Variants in COPG2 observed in about 807,000 individuals in gnomAD.
COPG2 encodes the protein coatomer subunit gamma-2.
In COPG2, 37 loss-of-function variants were observed where a neutral mutation model predicts 46.3. That is an observed-to-expected ratio of 0.80 (90% CI 0.61 to 1.05). COPG2 has a LOEUF of 1.05. COPG2 is among the 50% of genes least tolerant of loss of function. The pLI is 0.00. For synonymous variants in COPG2, 159 were observed against 129.7 expected, an observed-to-expected ratio of 1.23 and a Z score of -1.53; for missense variants, 427 against 387.8, an observed-to-expected ratio of 1.10 and a Z score of -0.85.
intron 9 of COPG2, among the ~76,000 whole-genome samples, chr7:130,608,719 A>T (rs568933760): frequency 6.6e-5 from 10 of 151,524 alleles, no homozygotes; most frequent in Admixed American, 2.6e-4. Flanking sequence ...TCTTTTTTTT[A>T]AAAAAAGGCG....
chr7:130,549,338 G>A lies in COPG2; in HGVS notation c.1813C>T (p.Pro605Ser), dbSNP rs1390627471. The A allele has an allele frequency of 1.0e-5, 4 of 398,434 alleles. No individual in the cohort carries two copies. Among genetic ancestry groups the A allele is most frequent in the East Asian group, 3.6e-5 (1 of 28,080 alleles). The allele number at this position is 398,434 out of a possible 1,614,324, so 24.7% of individuals were successfully genotyped here. ...LVATKPEKLA[P>S]SRQDIFQEQL... is the part of the protein sequence containing the mutation. ...CCTTGGAAAATGTCTTGCCTGGAAG[G>A]AGCCAACTTCTCTGGCTTAGTAGCC... Residue 605 changes from proline (P) to serine (S), a missense_variant, in exon 18 of 24, where the codon CCT becomes TCT. Pro to Ser is a moderately conservative substitution (Grantham distance 74). Transcript: ENST00000425248.
intron 20 of COPG2, among the ~76,000 whole-genome samples, chr7:130,536,464 A>G (rs1281383837): frequency 6.6e-6 from 1 of 152,158 alleles, no homozygotes; most frequent in Non-Finnish European, 1.5e-5. Flanking sequence ...TTCAGCTCAG[A>G]AAAAGTAAGG....
Position 130,542,051 on chromosome 7 carries a change from C to T in COPG2, c.2149+5623G>A, listed in dbSNP as rs1381078442. Among the ~76,000 whole-genome samples, 3 of 125,138 alleles carry T rather than the reference C, an allele frequency of 2.4e-5. 1 individual carries two copies. The highest frequency in any genetic ancestry group is 4.9e-5 in the Non-Finnish European group (3 of 60,904). The allele number at this position is 125,138 out of a possible 152,430, so 82.1% of individuals were successfully genotyped here. On this transcript the variant is annotated intron_variant, in intron 20 of 23. Transcript: ENST00000425248. ...CAGAGGAGAGGTGTTCCCCAATGGG[C>T]AAGAAGAATGAGTTGGAGCAGGTTA...
At chr7:130,589,120 TAA>T (rs1554448484) in intron 9 of COPG2, among the ~76,000 whole-genome samples, 1 of 152,180 alleles carries the variant, frequency 6.6e-6, no homozygotes, top group East Asian at 1.9e-4. Context: ...GTCCAATCGT[TAA>T]TTCAAAGGAT....
intron 20 of COPG2, among the ~76,000 whole-genome samples, chr7:130,512,120 G>GCTA (rs1799606370): frequency 6.7e-6 from 1 of 150,184 alleles, no homozygotes; most frequent in South Asian, 2.1e-4. Flanking sequence ...TGTAATCCCA[G>GCTA]CTACTTGGGA....
chr7:130,537,733 A>G (rs1490034909), intron 20 of COPG2, among the ~76,000 whole-genome samples: 3 of 152,212 alleles, frequency 2.0e-5, no homozygotes, highest in Admixed American at 2.0e-4. Flanking sequence ...CAAGAGCAAG[A>G]GTGTGGGTGT....
rs1452991535 is a variant in COPG2, at chr7:130,568,045, G to A, written c.738-3652C>T. Among the ~76,000 whole-genome samples the A allele has an allele frequency of 3.3e-5, 5 of 152,200 alleles. No individual in the cohort carries two copies. The South Asian group carries it at 6.2e-4, about 19-fold the overall frequency. On this transcript the variant is annotated intron_variant, in intron 9 of 23. Coordinates refer to ENST00000425248, the MANE Select transcript of COPG2 (RefSeq NM_012133.6). ...TGTAATCTCAGCACTTTGGGAGGCCGAGGCAGGCAGATCACGAGGTCAGGA... is the reference window on the plus strand; with the variant it reads ...TGTAATCTCAGCACTTTGGGAGGCCAAGGCAGGCAGATCACGAGGTCAGGA...
chr7:130,555,497 C>T (rs1402796962), intron 12 of COPG2, among the ~76,000 whole-genome samples: 2 of 152,172 alleles, frequency 1.3e-5, no homozygotes, highest in African/African-American at 4.8e-5. Flanking sequence ...AACTACTTCA[C>T]AAAATGGTTT....
At chr7:130,571,240 TC>T (rs1793892171) in intron 9 of COPG2, among the ~76,000 whole-genome samples, 1 of 152,124 alleles carries the variant, frequency 6.6e-6, no homozygotes, top group South Asian at 2.1e-4. Context: ...AAAGAAATAA[TC>T]AGCATAGTAA....
chr7:130,579,693 G>A (rs1231337870), intron 9 of COPG2, among the ~76,000 whole-genome samples: 2 of 150,936 alleles, frequency 1.3e-5, no homozygotes, highest in South Asian at 4.2e-4. Context: ...GGCAGGGGTT[G>A]CAATCCTAGT....
At chr7:130,513,133 A>G (rs1799623841) in intron 20 of COPG2, among the ~76,000 whole-genome samples, 1 of 151,214 alleles carries the variant, frequency 6.6e-6, no homozygotes, top group Admixed American at 6.6e-5. Context: ...TAAAAATGCA[A>G]AAAGTAGCTG....
At chr7:130,606,042 T>C (rs1554451182) in intron 9 of COPG2, among the ~76,000 whole-genome samples, 1 of 151,992 alleles carries the variant, frequency 6.6e-6, no homozygotes, top group Admixed American at 6.6e-5. Context: ...TGAAGAGACT[T>C]ATAAGAAATC....
At chr7:130,532,775 A>G (rs1286202290) in intron 20 of COPG2, among the ~76,000 whole-genome samples, 1 of 152,142 alleles carries the variant, frequency 6.6e-6, no homozygotes, top group African/African-American at 2.4e-5. Flanking sequence ...GATCGTGAGC[A>G]TGGACAGCAG....
At chr7:130,557,568 AG>A (rs1309183441) in intron 12 of COPG2, among the ~76,000 whole-genome samples, 5 of 152,014 alleles carry the variant, frequency 3.3e-5, no homozygotes, top group Non-Finnish European at 7.4e-5. Flanking sequence ...GCACTTTGGG[AG>A]GTCGAGGCGG....
At chr7:130,534,237 C>G (rs1584965547) in intron 20 of COPG2, among the ~76,000 whole-genome samples, 3 of 152,170 alleles carry the variant, frequency 2.0e-5, no homozygotes, top group Non-Finnish European at 1.5e-5. Context: ...GAGAGGGCAT[C>G]AGGAATCACT....
chr7:130,531,478 C>T (rs1226281098), intron 20 of COPG2, among the ~76,000 whole-genome samples: 1 of 151,772 alleles, frequency 6.6e-6, no homozygotes, highest in Non-Finnish European at 1.5e-5. Context: ...TAGTCAACAC[C>T]CAGAAGAACA....
chr7:130,666,814 G>A, intron 3 of COPG2, 35 bp downstream of exon 3: 3 of 913,934 alleles, frequency 3.3e-6, no homozygotes, highest in South Asian at 3.0e-5. Context: ...TCTATTCCAG[G>A]ACACACTTAT....
At chr7:130,535,102 A>G (rs1799865907) in intron 20 of COPG2, among the ~76,000 whole-genome samples, 1 of 152,246 alleles carries the variant, frequency 6.6e-6, no homozygotes, top group Admixed American at 6.5e-5. Flanking sequence ...CGGTGAGGAG[A>G]GCAGGTCAAA....
At chr7:130,550,456 G>C (rs1383501006) in intron 17 of COPG2, 68 bp downstream of exon 17, 2 of 249,568 alleles carry the variant, frequency 8.0e-6, no homozygotes, top group Admixed American at 5.8e-5. Flanking sequence ...ATGAGTATTA[G>C]AGAAAATATG....
Sources: allele counts gnomAD v4.1 joint callset (sites outside exome capture counted in the v4.1 genomes callset), GRCh38; gene constraint gnomAD v4.1.1; transcripts MANE v1.5; gene names NCBI Gene and HGNC (gene_info 2026-07-23, HGNC 2026-07-21).